RBMS1: variants seen among roughly 807,000 people sequenced by gnomAD.
RBMS1 encodes RNA-binding motif, single-stranded-interacting protein 1.
In RBMS1, 17 loss-of-function variants were observed where a neutral mutation model predicts 62.3. The observed-to-expected ratio is 0.27, with a 90% CI of 0.19 to 0.41. RBMS1 has a LOEUF of 0.41. Among genes scored for constraint, RBMS1 ranks in the 10% least tolerant of loss-of-function variants. The pLI is 1.00. For missense variants in RBMS1, 334 were observed against 504.5 expected, an observed-to-expected ratio of 0.66 and a Z score of 3.24; for synonymous variants, 172 against 170.0, an observed-to-expected ratio of 1.01 and a Z score of -0.09.
At chr2:160,480,845 C>T (rs1254878002) in intron 1 of RBMS1, among the ~76,000 whole-genome samples, 1 of 151,854 alleles carries the variant, frequency 6.6e-6, no homozygotes, top group Non-Finnish European at 1.5e-5. Context: ...ACTGGGAGGC[C>T]GAGGTGACGG....
intron 1 of RBMS1, among the ~76,000 whole-genome samples, chr2:160,441,205 G>A (rs527945693): frequency 2.0e-5 from 3 of 152,158 alleles, no homozygotes; most frequent in Non-Finnish European, 4.4e-5. Context: ...TCAGTTGCTT[G>A]TTCTTTTTTT....
At position 160,481,215 on chromosome 2, in the gene RBMS1, C is replaced by T. The variant is rs1424660078; in HGVS notation, c.75+12074G>A. 2.0e-5 allele frequency among the ~76,000 whole-genome samples: 3 copies of T among 151,686 alleles called. No individual in the cohort carries two copies. The East Asian group carries it at 5.8e-4, about 29-fold the overall frequency. On this transcript the variant is annotated intron_variant, in intron 1 of 13. Transcript: ENST00000348849. Reference sequence around the variant, plus strand: ...TAAATTGGGCTGGATCATTAACAGCCATACTGGGGCACCGGGGGTGGGCGA... The same window carrying T: ...TAAATTGGGCTGGATCATTAACAGCTATACTGGGGCACCGGGGGTGGGCGA...
intron 1 of RBMS1, among the ~76,000 whole-genome samples, chr2:160,383,093 A>G (rs912461075): frequency 2.0e-5 from 3 of 152,234 alleles, no homozygotes; most frequent in Admixed American, 2.0e-4. Flanking sequence ...GTAACCAATT[A>G]CTACGAACTG....
intron 1 of RBMS1, among the ~76,000 whole-genome samples, chr2:160,434,187 A>G (rs551271370): frequency 2.0e-5 from 3 of 152,332 alleles, no homozygotes; most frequent in African/African-American, 7.2e-5. Flanking sequence ...AAGTAATGAA[A>G]TAACATTCAA....
At chr2:160,347,116 A>G (rs1692229502) in intron 2 of RBMS1, among the ~76,000 whole-genome samples, 1 of 152,170 alleles carries the variant, frequency 6.6e-6, no homozygotes, top group African/African-American at 2.4e-5. Context: ...TTTGAACTAA[A>G]GGGGAAAAAA....
intron 2 of RBMS1, among the ~76,000 whole-genome samples, chr2:160,332,018 C>T (rs1243157739): frequency 6.6e-6 from 1 of 152,112 alleles, no homozygotes; most frequent in Non-Finnish European, 1.5e-5. Context: ...GTGAAATGGT[C>T]TTTCTTTTTA....
In RBMS1 at chr2:160,284,860, G is replaced by A. The variant is rs959647605; in HGVS notation, c.815C>T (p.Pro272Leu). ...TTAAIQNGFY[P>L]SPYSIATNRM... is the part of the protein sequence containing the mutation. ...GTTTGTAGCAATACTGTATGGTGAA[G>A]GATAAAATCTAGAACAAACACAAAA... The change falls in exon 9 of 14, where the codon CCT (proline) becomes CTT (leucine). Residue 272 changes from proline (P) to leucine (L), a missense_variant. Pro to Leu is a moderately conservative substitution (Grantham distance 98, BLOSUM62 -3). This residue lies in a region of RBMS1 where 182 missense variants were observed against 257.7 expected (regional missense o/e 0.71). Coordinates refer to ENST00000348849, the MANE Select transcript of RBMS1 (RefSeq NM_016836.4). 2 of 1,602,920 alleles carry A rather than the reference G, an allele frequency of 1.2e-6. No homozygotes were observed. The highest frequency in any genetic ancestry group is 2.7e-5 in the African/African-American group (2 of 74,532).
intron 1 of RBMS1, among the ~76,000 whole-genome samples, chr2:160,368,215 T>C (rs929655194): frequency 3.3e-5 from 5 of 152,208 alleles, no homozygotes; most frequent in Non-Finnish European, 7.3e-5. Flanking sequence ...ATGGCTCAGC[T>C]TGAGACAAAA....
At chr2:160,385,334 G>T (rs1385277965) in intron 1 of RBMS1, among the ~76,000 whole-genome samples, 1 of 151,922 alleles carries the variant, frequency 6.6e-6, no homozygotes, top group Admixed American at 6.6e-5. Flanking sequence ...CCTACTCAGG[G>T]GCTTGGAGGC....
intron 2 of RBMS1, among the ~76,000 whole-genome samples, chr2:160,333,692 G>A (rs751216190): frequency 6.6e-6 from 1 of 152,150 alleles, no homozygotes; most frequent in Non-Finnish European, 1.5e-5. Flanking sequence ...AGACAGGAAC[G>A]GGGAAAGTGA....
intron 1 of RBMS1, among the ~76,000 whole-genome samples, chr2:160,423,999 G>T (rs1342930045): frequency 6.7e-6 from 1 of 150,164 alleles, no homozygotes; most frequent in Admixed American, 6.7e-5. Flanking sequence ...TGACTTGGAA[G>T]TTCAAGAAAA....
intron 1 of RBMS1, among the ~76,000 whole-genome samples, chr2:160,423,638 T>G (rs1466428845): frequency 1.3e-5 from 2 of 152,218 alleles, no homozygotes; most frequent in Non-Finnish European, 2.9e-5. Flanking sequence ...TCTTTTTTTC[T>G]CTGCTCTAGG....
At chr2:160,443,546 T>C (rs1248786573) in intron 1 of RBMS1, among the ~76,000 whole-genome samples, 1 of 151,894 alleles carries the variant, frequency 6.6e-6, no homozygotes, top group South Asian at 2.1e-4. Context: ...TTTAAAAGTG[T>C]GTGGCACCTC....
intron 4 of RBMS1, among the ~76,000 whole-genome samples, chr2:160,309,733 T>A (rs1385801305): frequency 6.6e-6 from 1 of 152,102 alleles, no homozygotes; most frequent in Admixed American, 6.5e-5. Flanking sequence ...AAAATCAACA[T>A]CAGATGACCT....
chr2:160,463,897 TATGTG>T (rs1353020175), intron 1 of RBMS1, among the ~76,000 whole-genome samples: 1 of 152,254 alleles, frequency 6.6e-6, no homozygotes, highest in East Asian at 1.9e-4. Flanking sequence ...TTTTGTTTAT[TATGTG>T]GTCTGTCTTT....
chr2:160,444,439 T>C lies in RBMS1; in HGVS notation c.75+48850A>G, dbSNP rs183420178. Among the ~76,000 whole-genome samples, 11 of 152,370 alleles carry C rather than the reference T, an allele frequency of 7.2e-5. No homozygotes were observed. In the East Asian group the frequency reaches 2.1e-3, roughly 29 times the overall value. On this transcript the variant is annotated intron_variant, in intron 1 of 13. Transcript: ENST00000348849. ...TAACTTTTATTGAGCACTTTATAAA[T>C]GCCATATACTGTTCTGTGTACTTTG...
chr2:160,318,056 T>C lies in RBMS1; in HGVS notation c.310+113A>G, dbSNP rs886492701. The C allele has an allele frequency of 2.1e-6, 3 of 1,445,084 alleles. No homozygotes were observed. The African/African-American group carries it at 4.3e-5, about 21-fold the overall frequency. The allele number at this position is 1,445,084 out of a possible 1,614,324, so 89.5% of individuals were successfully genotyped here. On this transcript the variant is annotated intron_variant, in intron 3 of 13. Transcript: ENST00000348849. ...TGCAAGACAGAAACTGGGTGATATA[T>C]AAGATCTGGTTTTTAATAAAACGAA...
At chr2:160,391,684 T>C (rs72974984) in intron 1 of RBMS1, among the ~76,000 whole-genome samples, 1,910 of 152,212 alleles carry the variant, frequency 0.013, 30 homozygotes, top group Middle Eastern at 0.061. Flanking sequence ...AAAACAAAAA[T>C]AACCAATGTA....
intron 1 of RBMS1, among the ~76,000 whole-genome samples, chr2:160,455,714 C>T (rs550229181): frequency 1.5e-4 from 21 of 138,544 alleles, no homozygotes; most frequent in African/African-American, 5.8e-4. Context: ...GACGGAGTCT[C>T]GCTCTGTCGC....
Sources: allele counts gnomAD v4.1 joint callset (sites outside exome capture counted in the v4.1 genomes callset), GRCh38; gene constraint gnomAD v4.1.1; regional missense constraint gnomAD v4.1.1; transcripts MANE v1.5; gene names NCBI Gene and HGNC (gene_info 2026-07-23, HGNC 2026-07-21).